The following RNF43 variants were observed in gnomAD, a reference collection of about 807,000 sequenced individuals.
RNF43 encodes ring finger protein 43.
A neutral mutation model predicts 78.4 loss-of-function variants in RNF43; 37 were observed. The ratio of observed to expected loss-of-function variants is 0.47; its 90% CI spans 0.36 to 0.62. The LOEUF is 0.62. Among genes scored for constraint, RNF43 ranks in the 20% least tolerant of loss-of-function variants. RNF43 has a pLI of 0.00. For missense variants in RNF43, 774 were observed against 1,007.9 expected (o/e 0.77, Z 3.14); for synonymous variants, 347 against 395.0 (o/e 0.88, Z 1.44).
intron 2 of RNF43, among the ~76,000 whole-genome samples, chr17:58,374,352 G>A (rs1973159759): frequency 6.6e-6 from 1 of 151,252 alleles, no homozygotes; most frequent in Non-Finnish European, 1.5e-5. Context: ...AATGTTGATG[G>A]TGACCCCCGG....
chr17:58,376,896 C>T (rs1422172469), intron 2 of RNF43, among the ~76,000 whole-genome samples: 3 of 152,186 alleles, frequency 2.0e-5, no homozygotes, highest in African/African-American at 7.2e-5. Context: ...AATTAAGAGG[C>T]ACTTGCTTTC....
intron 3 of RNF43, among the ~76,000 whole-genome samples, chr17:58,363,849 C>A (rs1056226513): frequency 6.6e-5 from 10 of 152,156 alleles, no homozygotes; most frequent in East Asian, 1.9e-4. Context: ...TGGAACAAAC[C>A]CTTAAGGGGG....
intron 3 of RNF43, among the ~76,000 whole-genome samples, chr17:58,365,175 C>T (rs1274827861): frequency 6.6e-6 from 1 of 152,152 alleles, no homozygotes; most frequent in Non-Finnish European, 1.5e-5. Flanking sequence ...TAAGCTACTC[C>T]AGGCAGGTAG....
At chr17:58,415,134 T>A (rs187472790) in intron 2 of RNF43, among the ~76,000 whole-genome samples, 192 bp downstream of exon 2, 1 of 152,338 alleles carries the variant, frequency 6.6e-6, no homozygotes, top group Admixed American at 6.5e-5. Context: ...AAATATAGGA[T>A]TTATGTATTT....
intron 6 of RNF43, among the ~76,000 whole-genome samples, chr17:58,361,695 G>A (rs1460047790): frequency 6.6e-6 from 1 of 152,054 alleles, no homozygotes; most frequent in Non-Finnish European, 1.5e-5. Context: ...CCAATACAAC[G>A]GGGCCCCCAC....
chr17:58,392,983 G>A (rs569491091), intron 2 of RNF43, among the ~76,000 whole-genome samples: 4 of 152,320 alleles, frequency 2.6e-5, no homozygotes, highest in African/African-American at 9.6e-5. Flanking sequence ...GAACTGCGTG[G>A]ATTGTCTTCT....
intron 2 of RNF43, among the ~76,000 whole-genome samples, chr17:58,380,477 T>A (rs554695184): frequency 6.6e-6 from 1 of 152,348 alleles, no homozygotes; most frequent in Admixed American, 6.5e-5. Context: ...TGACACAGTT[T>A]GCTTTATTAT....
chr17:58,405,763 A>G (rs1035948737), intron 2 of RNF43, among the ~76,000 whole-genome samples: 5 of 150,632 alleles, frequency 3.3e-5, no homozygotes, highest in African/African-American at 7.5e-5. Flanking sequence ...AGAAAGAAAG[A>G]AAAAGAGAAA....
chr17:58,374,324 C>G (rs946347714), intron 2 of RNF43, among the ~76,000 whole-genome samples: 2 of 151,978 alleles, frequency 1.3e-5, no homozygotes, highest in Non-Finnish European at 2.9e-5. Flanking sequence ...GCATAAGGAC[C>G]CAAATACAAG....
chr17:58,358,293 A>G lies in RNF43; in HGVS notation c.1483T>C (p.Ser495Pro), dbSNP rs2143410749. 1.2e-6 allele frequency: 2 copies of G among 1,614,114 alleles called. No individual in the cohort carries two copies. The highest frequency in any genetic ancestry group is 1.7e-6 in the Non-Finnish European group (2 of 1,180,016). ...CTGCTTAGGGAGCTGCAGAAAGTAGAACTGCTGCCATGGACCCCCTGTAGG... is the reference window on the plus strand; with the variant it reads ...CTGCTTAGGGAGCTGCAGAAAGTAGGACTGCTGCCATGGACCCCCTGTAGG... ...ISLQGVHGSS[S>P]TFCSSLSSDF... Residue 495 changes from serine (S) to proline (P), a missense_variant, in exon 9 of 10, where the codon TCT becomes CCT. Ser to Pro is a moderately conservative substitution (Grantham distance 74). Coordinates refer to ENST00000407977, the MANE Select transcript of RNF43 (RefSeq NM_017763.6). The surrounding 1 kb of genome is among the most constrained non-coding windows in gnomAD (Gnocchi z 6.2).
chr17:58,363,645 C>G (rs2143475371), intron 3 of RNF43, 45 bp from the exon 4 acceptor site: 1 of 1,545,682 alleles, frequency 6.5e-7, no homozygotes, highest in Non-Finnish European at 8.8e-7. Flanking sequence ...CAGGGAAGGA[C>G]AGAGCCCACC....
chr17:58,358,941 T>A lies in RNF43; in HGVS notation c.953-118A>T. The A allele has an allele frequency of 8.9e-7, 1 of 1,126,288 alleles. No individual in the cohort carries two copies. Among genetic ancestry groups the A allele is most frequent in the South Asian group, 1.8e-5 (1 of 56,470 alleles). The allele number at this position is 1,126,288 out of a possible 1,614,324, so 69.8% of individuals were successfully genotyped here. A position where few individuals can be genotyped will look rare whatever the true frequency, so the allele number is the denominator to read the frequency against. ...CCTGAGTAGCCTGTGAGCTCAGAGTTTGGGGGATCAAGGACGTGCCTAAGC... is the reference window on the plus strand; with the variant it reads ...CCTGAGTAGCCTGTGAGCTCAGAGTATGGGGGATCAAGGACGTGCCTAAGC... On this transcript the variant is annotated intron_variant, in intron 8 of 9. Transcript: ENST00000407977. The surrounding 1 kb of genome is among the most constrained non-coding windows in gnomAD (Gnocchi z 6.2).
intron 2 of RNF43, among the ~76,000 whole-genome samples, chr17:58,393,826 G>A (rs922949641): frequency 2.6e-5 from 4 of 152,112 alleles, no homozygotes; most frequent in South Asian, 2.1e-4. Context: ...AGGCTGAGGC[G>A]GGCGGATCAT....
chr17:58,396,643 G>A (rs1973688443), intron 2 of RNF43, among the ~76,000 whole-genome samples: 1 of 152,124 alleles, frequency 6.6e-6, no homozygotes, highest in Admixed American at 6.5e-5. Flanking sequence ...TCTCCAAAGG[G>A]AGCTATTTTT....
chr17:58,397,226 A>G (rs550722734), intron 2 of RNF43, among the ~76,000 whole-genome samples: 1 of 152,332 alleles, frequency 6.6e-6, no homozygotes, highest in South Asian at 2.1e-4. Context: ...AGAATGTGCC[A>G]TTTTTTATGA....
Position 58,357,449 on chromosome 17 carries a change from C to T in RNF43, c.2308+19G>A, listed in dbSNP as rs2143382633. 6.2e-7 allele frequency: 1 copy of T among 1,614,256 alleles called. No individual in the cohort carries two copies. The highest frequency in any genetic ancestry group is 8.5e-7 in the Non-Finnish European group (1 of 1,180,042). On this transcript the variant is annotated intron_variant, in intron 9 of 9. Coordinates refer to ENST00000407977, the MANE Select transcript of RNF43 (RefSeq NM_017763.6). This position sits in a 1 kb window ranked among gnomAD's most constrained non-coding sequence, Gnocchi z 4.5. ...TAGTCTCCTCTCCCTACCACACCCA[C>T]TTCCCTCTGAAAACTCACCAGGCTG... is the stretch of plus-strand genomic sequence containing the variant.
Position 58,354,931 on chromosome 17 carries a change from G to A in RNF43, c.*12C>T, listed in dbSNP as rs1395071926. ...TGGAGCACACTCTTGGTTGGAGCTA[G>A]GCCTGAACATCTCACACAGCCTGTT... On this transcript the variant is annotated 3_prime_UTR_variant, in exon 10 of 10. Transcript: ENST00000407977. 4 of 1,613,512 alleles carry A rather than the reference G, an allele frequency of 2.5e-6. No homozygotes were observed. The highest frequency in any genetic ancestry group is 1.3e-5 in the African/African-American group (1 of 74,918).
chr17:58,363,106 A>G, intron 5 of RNF43, 169 bp downstream of exon 5: 1 of 761,996 alleles, frequency 1.3e-6, no homozygotes, highest in East Asian at 2.7e-5. Context: ...GGTGAGGCCC[A>G]AAGACGGGGG....
Position 58,415,378 on chromosome 17 carries a change from C to G in RNF43, c.200G>C (p.Gly67Ala), listed in dbSNP as rs2143694823. The G allele has an allele frequency of 6.2e-7, 1 of 1,614,254 alleles. No individual in the cohort carries two copies. The highest frequency in any genetic ancestry group is 1.7e-5 in the Admixed American group (1 of 60,038). Residue 67 changes from glycine (G) to alanine (A), a missense_variant, in exon 2 of 10, where the codon GGT becomes GCT. Physicochemically the swap from Gly to Ala is moderately conservative, Grantham distance 60 (BLOSUM62 0). Coordinates refer to ENST00000407977, the MANE Select transcript of RNF43 (RefSeq NM_017763.6). ...TATTTCAGCAACACCAGCAAACACA[C>G]CTTCCAAAGTGAGATTCAGTTTTCC... ...PTGKLNLTLE[G>A]VFAGVAEITP...
Sources: gnomAD v4.1 joint callset for allele counts (sites outside exome capture counted in the v4.1 genomes callset) on GRCh38, gnomAD v4.1.1 for gene constraint, Gnocchi (gnomAD v3.1) non-coding constraint, MANE v1.5 for transcripts, NCBI Gene and HGNC (gene_info 2026-07-23, HGNC 2026-07-21) for gene names.